The following HS2ST1 variants were observed in gnomAD, a reference collection of about 807,000 sequenced individuals.
HS2ST1 encodes 2-O-sulfotransferase.
In HS2ST1, 18 loss-of-function variants were observed where a neutral mutation model predicts 42.9. The observed-to-expected ratio is 0.42, with a 90% CI of 0.29 to 0.62. HS2ST1 has a LOEUF of 0.62. Ranked by LOEUF, HS2ST1 falls within the 20% of genes least tolerant of loss-of-function variation. The pLI, the probability that HS2ST1 is intolerant of heterozygous loss-of-function variation, is 0.21. For synonymous variants in HS2ST1, 146 were observed against 152.9 expected, an observed-to-expected ratio of 0.95 and a Z score of 0.33; for missense variants, 334 against 433.8, an observed-to-expected ratio of 0.77 and a Z score of 2.04.
intron 1 of HS2ST1, among the ~76,000 whole-genome samples, chr1:86,977,991 A>G (rs1015998947): frequency 2.0e-5 from 3 of 152,180 alleles, no homozygotes; most frequent in South Asian, 2.1e-4. Flanking sequence ...AAAAATTCCT[A>G]TCTCCTAATG....
intron 1 of HS2ST1, among the ~76,000 whole-genome samples, chr1:87,032,289 C>T (rs1650258985): frequency 6.6e-6 from 1 of 152,014 alleles, no homozygotes; most frequent in Non-Finnish European, 1.5e-5. Flanking sequence ...TAACTTGTAA[C>T]CTTTATTTTT....
chr1:86,968,435 T>C (rs1297673314), intron 1 of HS2ST1, among the ~76,000 whole-genome samples: 1 of 151,732 alleles, frequency 6.6e-6, no homozygotes, highest in African/African-American at 2.4e-5. Context: ...CAATCCTTTT[T>C]TTTTTGAGCG....
intron 1 of HS2ST1, among the ~76,000 whole-genome samples, chr1:87,029,198 T>G (rs1335564796): frequency 4.6e-5 from 7 of 152,176 alleles, no homozygotes; most frequent in Non-Finnish European, 7.4e-5. Flanking sequence ...AAAGAAAATA[T>G]TATGTGAGTC....
chr1:87,085,057 A>G (rs1651787789), intron 3 of HS2ST1, among the ~76,000 whole-genome samples: 1 of 152,166 alleles, frequency 6.6e-6, no homozygotes, highest in African/African-American at 2.4e-5. Flanking sequence ...TTAATCAGAA[A>G]ATTAATTAAA....
At position 87,086,527 on chromosome 1, in the gene HS2ST1, T is replaced by G. The variant is rs146437815; in HGVS notation, c.449+2248T>G. On this transcript the variant is annotated intron_variant, in intron 3 of 6. Transcript: ENST00000370550. Reference sequence around the variant, plus strand: ...GGCAAAATACTTATTTAACACATAGTTTTTTTAAACTTACCTTATCAGAGA... The same window carrying G: ...GGCAAAATACTTATTTAACACATAGGTTTTTTAAACTTACCTTATCAGAGA... 2.8e-3 allele frequency among the ~76,000 whole-genome samples: 428 copies of G among 152,240 alleles called. 1 individual carries two copies. Among genetic ancestry groups the G allele is most frequent in the African/African-American group, 9.8e-3 (407 of 41,534 alleles).
intron 1 of HS2ST1, among the ~76,000 whole-genome samples, chr1:86,927,019 T>C (rs1414879822): frequency 1.3e-5 from 2 of 152,208 alleles, no homozygotes; most frequent in Non-Finnish European, 1.5e-5. Context: ...TCAGACTGGC[T>C]GATGAACCAT....
chr1:86,968,443 G>A (rs1226483587), intron 1 of HS2ST1, among the ~76,000 whole-genome samples: 2 of 144,050 alleles, frequency 1.4e-5, no homozygotes, highest in Non-Finnish European at 3.0e-5. Flanking sequence ...TTTTTTTTGA[G>A]CGAGGTCTCA....
At chr1:86,955,860 G>T (rs1647663420) in intron 1 of HS2ST1, among the ~76,000 whole-genome samples, 1 of 151,958 alleles carries the variant, frequency 6.6e-6, no homozygotes, top group African/African-American at 2.4e-5. Flanking sequence ...GGTGGTGCAC[G>T]CCTGTGGCCC....
chr1:86,959,386 A>G (rs962470660), intron 1 of HS2ST1, among the ~76,000 whole-genome samples: 1 of 152,204 alleles, frequency 6.6e-6, no homozygotes, highest in African/African-American at 2.4e-5. Context: ...GGTTGGGTGC[A>G]GTGGCTCACG....
At chr1:87,023,070 T>C (rs971654891) in intron 1 of HS2ST1, among the ~76,000 whole-genome samples, 3 of 152,208 alleles carry the variant, frequency 2.0e-5, no homozygotes, top group Non-Finnish European at 2.9e-5. Context: ...AATACAAAAT[T>C]TGTGTTATGT....
intron 1 of HS2ST1, among the ~76,000 whole-genome samples, chr1:86,966,544 A>T (rs779264094): frequency 2.0e-5 from 3 of 152,232 alleles, no homozygotes; most frequent in Non-Finnish European, 4.4e-5. Flanking sequence ...TAGAAACGTG[A>T]TGGGAAATAA....
intron 3 of HS2ST1, among the ~76,000 whole-genome samples, chr1:87,088,167 T>G (rs1272308377): frequency 6.6e-6 from 1 of 152,114 alleles, no homozygotes; most frequent in Admixed American, 6.6e-5. Context: ...TCTCTGCTGG[T>G]CCTTATTTCC....
chr1:87,038,021 T>G (rs1650424852), intron 1 of HS2ST1, among the ~76,000 whole-genome samples: 1 of 152,200 alleles, frequency 6.6e-6, no homozygotes, highest in South Asian at 2.1e-4. Flanking sequence ...TGAAAATCTT[T>G]ATATTGTTAA....
chr1:86,990,832 A>ATC lies in HS2ST1; in HGVS notation c.124+75673_124+75674insCT, dbSNP rs1648926106. On this transcript the variant is annotated intron_variant, in intron 1 of 6. Transcript: ENST00000370550. ...TAATTTTATATATATATATATATAT[A>ATC]TATATTTTTTTTTTTTTTTTTTTTT... 2.2e-4 allele frequency among the ~76,000 whole-genome samples: 4 copies of ATC among 17,808 alleles called. No individual in the cohort carries two copies. The East Asian group carries it at 0.024, about 105-fold the overall frequency. 11.7% of individuals were successfully genotyped at this position (17,808 alleles called of 152,430 possible).
intron 1 of HS2ST1, among the ~76,000 whole-genome samples, chr1:87,016,868 T>A (rs1570487875): frequency 1.3e-5 from 2 of 152,198 alleles, no homozygotes; most frequent in South Asian, 4.1e-4. Flanking sequence ...TATTGGGTTT[T>A]TTTTTTTCAG....
chr1:87,073,152 G>A lies in HS2ST1; in HGVS notation c.343G>A (p.Val115Met). 1.2e-6 allele frequency: 2 copies of A among 1,609,114 alleles called. No homozygotes were observed. The highest frequency in any genetic ancestry group is 1.7e-6 in the Non-Finnish European group (2 of 1,175,506). Residue 115 changes from valine (V) to methionine (M), a missense_variant, in exon 2 of 7, where the codon GTG becomes ATG. By Grantham distance (21) the Val-to-Met change is conservative (BLOSUM62 1). Coordinates refer to ENST00000370550, the MANE Select transcript of HS2ST1 (RefSeq NM_012262.4). ...LHINTTKNNP[V>M]MSLQDQVRFV... is the part of the protein sequence containing the mutation. The stretch of plus-strand genomic sequence containing the variant: ...TATCAACACTACCAAAAATAATCCA[G>A]TGATGTCATTGCAAGATCAGGTAAT...
chr1:86,925,505 C>T (rs776028342), intron 1 of HS2ST1, among the ~76,000 whole-genome samples: 1 of 152,162 alleles, frequency 6.6e-6, no homozygotes, highest in Admixed American at 6.5e-5. Flanking sequence ...GCTGGGGAAA[C>T]CTCACAATCA....
At chr1:86,964,903 G>A (rs1223388052) in intron 1 of HS2ST1, among the ~76,000 whole-genome samples, 1 of 152,102 alleles carries the variant, frequency 6.6e-6, no homozygotes, top group Non-Finnish European at 1.5e-5. Flanking sequence ...GAAGACTGAT[G>A]ATGTCCCGTG....
intron 1 of HS2ST1, chr1:87,046,268 T>G (rs1186191166): frequency 2.6e-6 from 2 of 762,076 alleles, no homozygotes; most frequent in East Asian, 5.8e-5. Flanking sequence ...GTTACGAATG[T>G]CATCCTAAGC....
Sources: allele counts gnomAD v4.1 joint callset (sites outside exome capture counted in the v4.1 genomes callset), GRCh38; gene constraint gnomAD v4.1.1; transcripts MANE v1.5; gene names NCBI Gene and HGNC (gene_info 2026-07-23, HGNC 2026-07-21).